CWC25: variants seen among roughly 807,000 people sequenced by gnomAD.
The protein encoded by CWC25 is CWC25 spliceosome associated protein, also known as pre-mRNA-splicing factor CWC25 homolog.
A neutral mutation model predicts 54.6 loss-of-function variants in CWC25; 31 were observed. The ratio of observed to expected loss-of-function variants is 0.57; its 90% CI spans 0.43 to 0.77. CWC25 has a LOEUF of 0.77. Ranked by LOEUF, CWC25 falls within the 30% of genes least tolerant of loss-of-function variation. The pLI is 0.00. For missense variants in CWC25, 453 were observed against 529.3 expected (o/e 0.86, Z 1.41); for synonymous variants, 151 against 187.0 (o/e 0.81, Z 1.57).
chr17:38,806,613 T>G, intron 7 of CWC25, 152 bp downstream of exon 7: 1 of 801,674 alleles, frequency 1.2e-6, no homozygotes, highest in Non-Finnish European at 1.9e-6. Flanking sequence ...AGCTTTACAT[T>G]GAGGTGGAAA....
chr17:38,817,339 C>CAA (rs1162629766), intron 2 of CWC25, among the ~76,000 whole-genome samples: 8 of 130,896 alleles, frequency 6.1e-5, no homozygotes, highest in Non-Finnish European at 1.1e-4. Flanking sequence ...GACTCGGTCT[C>CAA]AAAAAAAAAA....
chr17:38,804,985 T>G (rs1002865809), intron 8 of CWC25, among the ~76,000 whole-genome samples: 13 of 151,902 alleles, frequency 8.6e-5, no homozygotes, highest in Non-Finnish European at 1.3e-4. Flanking sequence ...CACATGCCTG[T>G]AATCCCAGCT....
chr17:38,824,154 G>A (rs1025957301), intron 1 of CWC25, among the ~76,000 whole-genome samples: 4 of 152,186 alleles, frequency 2.6e-5, no homozygotes, highest in African/African-American at 7.2e-5. Context: ...GGTTCAATTA[G>A]CTCCACTTTC....
chr17:38,805,584 G>A (rs1209601464), intron 8 of CWC25, among the ~76,000 whole-genome samples: 1 of 152,164 alleles, frequency 6.6e-6, no homozygotes, highest in African/African-American at 2.4e-5. Context: ...AAACTGCTGG[G>A]ATTACAGGTA....
chr17:38,806,458 C>A lies in CWC25; in HGVS notation c.903-63G>T. 2 of 1,331,330 alleles carry A rather than the reference C, an allele frequency of 1.5e-6. 1 individual carries two copies. The highest frequency in any genetic ancestry group is 2.1e-6 in the Non-Finnish European group (2 of 939,922). The allele number at this position is 1,331,330 out of a possible 1,614,324, so 82.5% of individuals were successfully genotyped here. On this transcript the variant is annotated intron_variant, in intron 7 of 9. Coordinates refer to ENST00000614790, the MANE Select transcript of CWC25 (RefSeq NM_017748.5). ...TTTGGTCCAGGGGCTTACACTGAAT[C>A]CCTCAAACAATGCAAGATGAGCTAA...
chr17:38,804,975 C>CA (rs1441954387), intron 8 of CWC25, among the ~76,000 whole-genome samples: 6 of 151,972 alleles, frequency 3.9e-5, no homozygotes, highest in Non-Finnish European at 7.4e-5. Flanking sequence ...GGTGTGGTGG[C>CA]ACATGCCTGT....
At position 38,801,170 on chromosome 17, in the gene CWC25, C is replaced by T. The variant is rs1911006362; in HGVS notation, c.*922G>A. 1 of 152,040 alleles carries T rather than the reference C, an allele frequency of 6.6e-6. No individual in the cohort carries two copies. Among genetic ancestry groups the T allele is most frequent in the Non-Finnish European group, 1.5e-5 (1 of 68,030 alleles). 9.4% of individuals were successfully genotyped at this position (152,040 alleles called of 1,614,324 possible). A position where few individuals can be genotyped will look rare whatever the true frequency, so the allele number is the denominator to read the frequency against. ...CTGTAATTGTAGTAAGGTTACTACACGGTAAGAAGTGAAGCCGCAAAATAA... is the reference window on the plus strand; with the variant it reads ...CTGTAATTGTAGTAAGGTTACTACATGGTAAGAAGTGAAGCCGCAAAATAA... On this transcript the variant is annotated 3_prime_UTR_variant, in exon 10 of 10. Coordinates refer to ENST00000614790, the MANE Select transcript of CWC25 (RefSeq NM_017748.5).
Position 38,802,866 on chromosome 17 carries a change from T to G in CWC25, c.1002-5A>C, listed in dbSNP as rs1198220636. Reference sequence around the variant, plus strand: ...AATTCCTCTGCAGAGAGTTTTCTGTTGAGCACAGAAACCATACGATCAGGT... The same window carrying G: ...AATTCCTCTGCAGAGAGTTTTCTGTGGAGCACAGAAACCATACGATCAGGT... On this transcript the variant is annotated splice_polypyrimidine_tract_variant and splice_region_variant and intron_variant, in intron 8 of 9. Transcript: ENST00000614790. The G allele has an allele frequency of 6.2e-7, 1 of 1,613,724 alleles. No individual in the cohort carries two copies. The highest frequency in any genetic ancestry group is 1.3e-5 in the African/African-American group (1 of 74,906).
At chr17:38,815,652 G>A in intron 2 of CWC25, 1 of 1,287,250 alleles carries the variant, frequency 7.8e-7, no homozygotes, top group Non-Finnish European at 1.0e-6. Flanking sequence ...GAAAACCAGT[G>A]TTCCTCAACA....
chr17:38,801,103 T>A lies in CWC25; in HGVS notation c.*989A>T, dbSNP rs1911001144. On this transcript the variant is annotated 3_prime_UTR_variant, in exon 10 of 10. Coordinates refer to ENST00000614790, the MANE Select transcript of CWC25 (RefSeq NM_017748.5). ...CCCAGCCTGTTTTTTGTTTTTTTTTTAGTACCTGACTGAAAGAGACTAGCA... is the reference window on the plus strand; with the variant it reads ...CCCAGCCTGTTTTTTGTTTTTTTTTAAGTACCTGACTGAAAGAGACTAGCA... 6.6e-6 allele frequency: 1 copy of A among 151,906 alleles called. No homozygotes were observed. The highest frequency in any genetic ancestry group is 2.1e-4 in the South Asian group (1 of 4,812). The allele number at this position is 151,906 out of a possible 1,614,324, so 9.4% of individuals were successfully genotyped here.
intron 3 of CWC25, among the ~76,000 whole-genome samples, chr17:38,814,096 C>T (rs1455286019): frequency 2.0e-5 from 3 of 150,968 alleles, no homozygotes; most frequent in Admixed American, 2.0e-4. Context: ...CTCCTGACCT[C>T]GTGATCCGCC....
chr17:38,803,996 G>T (rs1911129087), intron 8 of CWC25, among the ~76,000 whole-genome samples: 1 of 152,106 alleles, frequency 6.6e-6, no homozygotes, highest in Non-Finnish European at 1.5e-5. Context: ...AGTAAGCCAT[G>T]ATCGCCCCAC....
intron 2 of CWC25, among the ~76,000 whole-genome samples, chr17:38,819,533 A>T (rs1476955832): frequency 7.3e-6 from 1 of 137,224 alleles, no homozygotes; most frequent in African/African-American, 2.7e-5. Context: ...CGCCCAGTTA[A>T]TTTTTTTTTT....
At chr17:38,825,103 C>G (rs900716803) in intron 1 of CWC25, 63 bp downstream of exon 1, 2 of 1,406,966 alleles carry the variant, frequency 1.4e-6, no homozygotes, top group Non-Finnish European at 1.9e-6. Flanking sequence ...TCCTCTACCC[C>G]CACCCCCTGC....
At chr17:38,824,928 C>T (rs1912082804) in intron 1 of CWC25, among the ~76,000 whole-genome samples, 1 of 152,150 alleles carries the variant, frequency 6.6e-6, no homozygotes, top group South Asian at 2.1e-4. Flanking sequence ...GGTAGAGCCG[C>T]AGTCAACAAA....
intron 4 of CWC25, among the ~76,000 whole-genome samples, chr17:38,812,043 A>AGTC (rs778781472): frequency 1.4e-4 from 21 of 152,128 alleles, no homozygotes; most frequent in Admixed American, 5.9e-4. Context: ...GGTTCAAGCA[A>AGTC]GTCTCCTGCC....
intron 4 of CWC25, among the ~76,000 whole-genome samples, chr17:38,811,881 C>T (rs1911502921): frequency 6.6e-6 from 1 of 152,102 alleles, no homozygotes; most frequent in Non-Finnish European, 1.5e-5. Context: ...TCCTTACCAA[C>T]TGATCCAAGA....
At chr17:38,817,586 A>G (rs1467815414) in intron 2 of CWC25, among the ~76,000 whole-genome samples, 1 of 151,894 alleles carries the variant, frequency 6.6e-6, no homozygotes, top group Non-Finnish European at 1.5e-5. Context: ...CAAGAGACCA[A>G]GGCCATCCAG....
intron 4 of CWC25, 94 bp from the exon 5 acceptor site, chr17:38,810,689 T>TG: frequency 1.4e-6 from 1 of 717,542 alleles, no homozygotes; most frequent in Non-Finnish European, 2.5e-6. Flanking sequence ...GGAGGCTGAG[T>TG]GGAGCAGATC....
Sources: allele counts gnomAD v4.1 joint callset (sites outside exome capture counted in the v4.1 genomes callset), GRCh38; gene constraint gnomAD v4.1.1; transcripts MANE v1.5; gene names NCBI Gene and HGNC (gene_info 2026-07-23, HGNC 2026-07-21).